The following GTF2F1 variants were observed in gnomAD, a reference collection of about 807,000 sequenced individuals.
GTF2F1 encodes general transcription factor IIF subunit 1, also known as general transcription factor IIF 74 kDa subunit.
Under a neutral mutation model 63.5 loss-of-function variants are expected in GTF2F1, and 39 were observed. The ratio of observed to expected loss-of-function variants is 0.61; its 90% confidence interval spans 0.48 to 0.80. The LOEUF (loss-of-function observed/expected upper bound fraction) is 0.80. Ranked by LOEUF, GTF2F1 falls within the 30% of genes least tolerant of loss-of-function variation. GTF2F1 has a pLI of 0.00. For missense variants in GTF2F1, 657 were observed against 718.3 expected, an observed-to-expected ratio of 0.91 and a Z score of 0.97; for synonymous variants, 287 against 285.3, an observed-to-expected ratio of 1.01 and a Z score of -0.06.
At position 6,389,526 on chromosome 19, in the gene GTF2F1, T is replaced by C; in HGVS notation, c.244A>G (p.Lys82Glu). 6.2e-7 allele frequency: 1 copy of C among 1,614,202 alleles called. No homozygotes were observed. Among genetic ancestry groups the C allele is most frequent in the Non-Finnish European group, 8.5e-7 (1 of 1,180,024 alleles). The change falls in exon 4 of 13, where the codon AAG becomes GAG. Residue 82 changes from lysine to glutamate, a missense_variant. By Grantham distance (56) the Lys-to-Glu change is moderately conservative (BLOSUM62 1). This residue lies in a region of GTF2F1 where 602 missense variants were observed against 625.6 expected (regional missense o/e 0.96). Coordinates refer to ENST00000394456, the MANE Select transcript of GTF2F1 (RefSeq NM_002096.3). ...TCCTTGAGGACGATGCCGTACTTCT[T>C]CCTCCGAGCCTCCTCCCGAAGCTTG... Reference protein sequence around the residue: ...NRKLREEARRKKYGIVLKEFR... With the variant: ...NRKLREEARREKYGIVLKEFR...
At position 6,392,818 on chromosome 19, in the gene GTF2F1, G is replaced by C. The variant is rs146656829; in HGVS notation, c.59+39C>G. 2.8e-4 allele frequency: 448 copies of C among 1,585,600 alleles called. 1 individual carries two copies. The highest frequency in any genetic ancestry group is 3.6e-4 in the Non-Finnish European group (416 of 1,154,360). Reference sequence around the variant, plus strand: ...AAGATCGTGAAGGTTTTCATTTTTGGGGGGTGGAGAGGAGTGGGAGATGGG... The same window carrying C: ...AAGATCGTGAAGGTTTTCATTTTTGCGGGGTGGAGAGGAGTGGGAGATGGG... On this transcript the variant is annotated intron_variant, in intron 2 of 12. Coordinates refer to ENST00000394456, the MANE Select transcript of GTF2F1 (RefSeq NM_002096.3).
In GTF2F1 at chr19:6,392,848, G is replaced by A. The variant is rs2092006357; in HGVS notation, c.59+9C>T. The A allele has an allele frequency of 6.2e-7, 1 of 1,613,128 alleles. No homozygotes were observed. The highest frequency in any genetic ancestry group is 1.3e-5 in the African/African-American group (1 of 74,986). On this transcript the variant is annotated intron_variant, in intron 2 of 12. Transcript: ENST00000394456. ...TGGAGAGGAGTGGGAGATGGGGCTGGGGACTTACTTAGGAACTCGAACGAC... is the reference window on the plus strand; with the variant it reads ...TGGAGAGGAGTGGGAGATGGGGCTGAGGACTTACTTAGGAACTCGAACGAC...
intron 3 of GTF2F1, among the ~76,000 whole-genome samples, chr19:6,391,439 G>GTTTTTTTTTTTTTTTTTTTT (rs11340944): frequency 1.1e-5 from 1 of 87,452 alleles, no homozygotes; most frequent in African/African-American, 3.3e-5. Flanking sequence ...TGCCATTTCC[G>GTTTTTTTTTTTTTTTTTTTT]TTTTTTTTTT....
chr19:6,381,339 G>T lies in GTF2F1; in HGVS notation c.1018+20C>A. ...AGGGCCCGACCCAAGCCTCCAATAT[G>T]GGGGCCACATGCGCCGCACCTTTCC... is the stretch of plus-strand genomic sequence containing the variant. On this transcript the variant is annotated intron_variant, in intron 9 of 12. Transcript: ENST00000394456. This position sits in a 1 kb window ranked among gnomAD's most constrained non-coding sequence, Gnocchi z 4.1. 1 of 1,565,602 alleles carries T rather than the reference G, an allele frequency of 6.4e-7. No individual in the cohort carries two copies. Among genetic ancestry groups the T allele is most frequent in the Non-Finnish European group, 8.7e-7 (1 of 1,154,890 alleles).
Position 6,380,011 on chromosome 19 carries a change from C to A in GTF2F1, c.*270G>T, listed in dbSNP as rs118174475. 7.6e-6 allele frequency: 4 copies of A among 524,088 alleles called. No homozygotes were observed. Among genetic ancestry groups the A allele is most frequent in the Non-Finnish European group, 1.4e-5 (4 of 289,464 alleles). The allele number at this position is 524,088 out of a possible 1,614,324, so 32.5% of individuals were successfully genotyped here. A position where few individuals can be genotyped will look rare whatever the true frequency, so the allele number is the denominator to read the frequency against. On this transcript the variant is annotated 3_prime_UTR_variant, in exon 13 of 13. Transcript: ENST00000394456. This position sits in a 1 kb window ranked among gnomAD's most constrained non-coding sequence, Gnocchi z 5.3. The stretch of plus-strand genomic sequence containing the variant: ...GGCCCTTGGTCAGTGTGAGGGAGGC[C>A]GAGCCAGGAGGAGGAGGACAATAAG...
intron 4 of GTF2F1, 85 bp downstream of exon 4, chr19:6,389,359 G>A: frequency 8.3e-7 from 1 of 1,199,178 alleles, no homozygotes; most frequent in South Asian, 1.6e-5. Context: ...GAGGTTCAGA[G>A]AGGGTACCCC....
chr19:6,387,434 C>G lies in GTF2F1; in HGVS notation c.452G>C (p.Arg151Pro). ...HNWYNFTPLA[R>P]HRTLTAEEAE... is the part of the protein sequence containing the mutation. ...CTCCTCGGCAGTGAGCGTGCGATGC[C>G]GGGCCAGCGGTGTGAAATTGTACCA... The change falls in exon 5 of 13, where the codon CGG becomes CCG. Residue 151 changes from arginine (R) to proline (P), a missense_variant. Arg to Pro is a moderately radical substitution (Grantham distance 103). Transcript: ENST00000394456. 1 of 1,614,230 alleles carries G rather than the reference C, an allele frequency of 6.2e-7. No individual in the cohort carries two copies. Among genetic ancestry groups the G allele is most frequent in the East Asian group, 2.2e-5 (1 of 44,886 alleles).
rs1431806724 is a variant in GTF2F1 at position 6,380,389 on chromosome 19, T to C, written c.1446A>G (p.Thr482=). Reference sequence around the variant, plus strand: ...TCACTGTCTGCTCGCTGCTCAGCCCTGTCTTCTTGGTCTGGAACTTTTTCA... The same window carrying C: ...TCACTGTCTGCTCGCTGCTCAGCCCCGTCTTCTTGGTCTGGAACTTTTTCA... The part of the protein sequence containing the change: ...DLLKKFQTKK[T]GLSSEQTVNV... Residue 482 remains threonine, a synonymous_variant, in exon 13 of 13, where the codon ACA becomes ACG. Transcript: ENST00000394456. This position sits in a 1 kb window ranked among gnomAD's most constrained non-coding sequence, Gnocchi z 5.3. The C allele has an allele frequency of 3.7e-6, 6 of 1,614,004 alleles. No homozygotes were observed. The highest frequency in any genetic ancestry group is 3.3e-5 in the Admixed American group (2 of 59,984).
At chr19:6,391,439 G>GCTT (rs2091996735) in intron 3 of GTF2F1, among the ~76,000 whole-genome samples, 1 of 87,418 alleles carries the variant, frequency 1.1e-5, no homozygotes, top group Non-Finnish European at 2.6e-5. Context: ...TGCCATTTCC[G>GCTT]TTTTTTTTTT....
chr19:6,389,266 C>CATAAATAAATAAATAAATAAATAA (rs61290779), intron 4 of GTF2F1, among the ~76,000 whole-genome samples, 178 bp downstream of exon 4: 2 of 150,998 alleles, frequency 1.3e-5, no homozygotes, highest in African/African-American at 4.9e-5. Flanking sequence ...AATAAGATAA[C>CATAAATAAATAAATAAATAAATAA]ATAAATAAAT....
At chr19:6,389,914 T>G (rs1194395151) in intron 3 of GTF2F1, among the ~76,000 whole-genome samples, 1 of 152,232 alleles carries the variant, frequency 6.6e-6, no homozygotes, top group Non-Finnish European at 1.5e-5. Context: ...AAGCAGGCCA[T>G]CGGAGGCAAA....
Position 6,380,269 on chromosome 19 carries a change from T to C in GTF2F1, c.*12A>G. 2 of 1,610,372 alleles carry C rather than the reference T, an allele frequency of 1.2e-6. No individual in the cohort carries two copies. The highest frequency in any genetic ancestry group is 1.1e-5 in the South Asian group (1 of 91,004). The stretch of plus-strand genomic sequence containing the variant: ...AAGTTCTGGGGGGCAGAGCCATGTA[T>C]TGGACCAAGCCTCACTCCTTGAGGG... On this transcript the variant is annotated 3_prime_UTR_variant, in exon 13 of 13. Transcript: ENST00000394456. This position sits in a 1 kb window ranked among gnomAD's most constrained non-coding sequence, Gnocchi z 5.3.
chr19:6,391,227 C>T (rs1276359657), intron 3 of GTF2F1, among the ~76,000 whole-genome samples: 1 of 152,168 alleles, frequency 6.6e-6, no homozygotes, highest in Non-Finnish European at 1.5e-5. Flanking sequence ...GCTTTAATGG[C>T]TCCCAAAGTC....
In GTF2F1 at chr19:6,380,939, G is replaced by A. The variant is rs1385272539; in HGVS notation, c.1196C>T (p.Ser399Phe). The change falls in exon 11 of 13, where the codon TCC becomes TTC. Residue 399 changes from serine to phenylalanine, a missense_variant. Ser to Phe is a radical substitution (Grantham distance 155). Around this residue, in one of 2 missense-constraint regions of GTF2F1, gnomAD observed 602 missense variants for 625.6 expected, o/e 0.96. Coordinates refer to ENST00000394456, the MANE Select transcript of GTF2F1 (RefSeq NM_002096.3). This position sits in a 1 kb window ranked among gnomAD's most constrained non-coding sequence, Gnocchi z 5.3. ...TPSAEGGSTS[S>F]TLRAAASKLE... ...TTTGCTGGCAGCCGCCCGCAGGGTG[G>A]AGGAGGTGCTGCCACCCTCTGCGCT... 6.3e-7 allele frequency: 1 copy of A among 1,585,374 alleles called. No homozygotes were observed. Among genetic ancestry groups the A allele is most frequent in the African/African-American group, 1.3e-5 (1 of 74,500 alleles).
intron 5 of GTF2F1, among the ~76,000 whole-genome samples, chr19:6,384,101 A>T (rs1055371500): frequency 1.3e-5 from 2 of 149,914 alleles, no homozygotes; most frequent in Non-Finnish European, 3.0e-5. Context: ...GTGCCCAGCC[A>T]GATCTTTTGT....
At position 6,379,636 on chromosome 19, in the gene GTF2F1, G is replaced by A. The variant is rs1130194; in HGVS notation, c.*645C>T. 0.057 allele frequency: 8,705 copies of A among 152,706 alleles called. 343 individuals carry two copies. Among genetic ancestry groups the A allele is most frequent in the Non-Finnish European group, 0.088 (6,035 of 68,788 alleles). 9.5% of individuals were successfully genotyped at this position (152,706 alleles called of 1,614,324 possible). A position where few individuals can be genotyped will look rare whatever the true frequency, so the allele number is the denominator to read the frequency against. ...GTCACCCAGGCTGGAGTGCAGTGGC[G>A]TGGTGTCAGCTCACAGCAACCTCCA... On this transcript the variant is annotated 3_prime_UTR_variant, in exon 13 of 13. Transcript: ENST00000394456.
In GTF2F1 at chr19:6,393,159, G is replaced by C. The variant is rs940166816; in HGVS notation, c.-164C>G. 3 of 836,576 alleles carry C rather than the reference G, an allele frequency of 3.6e-6. No individual in the cohort carries two copies. In the African/African-American group the frequency reaches 5.2e-5, roughly 15 times the overall value. The allele number at this position is 836,576 out of a possible 1,614,324, so 51.8% of individuals were successfully genotyped here. ...CTCTGGCGCTGGGAAAAGGTAACCG[G>C]AAGAGGCGCTCAAGCTACTCGGTCT... On this transcript the variant is annotated 5_prime_UTR_variant, in exon 1 of 13. Transcript: ENST00000394456.
chr19:6,384,190 G>C (rs2091965798), intron 5 of GTF2F1, among the ~76,000 whole-genome samples: 1 of 151,626 alleles, frequency 6.6e-6, no homozygotes, highest in African/African-American at 2.4e-5. Flanking sequence ...TTGTCTCATT[G>C]CTCAGGGAAG....
At position 6,392,427 on chromosome 19, in the gene GTF2F1, C is replaced by A. The variant is rs191414958; in HGVS notation, c.59+430G>T. On this transcript the variant is annotated intron_variant, in intron 2 of 12. Transcript: ENST00000394456. ...GAGTATTTCCTGGAGGAGGAAGATA[C>A]TGGAGTTGAGTTTTGCAGAATCATC... The A allele has an allele frequency of 3.1e-4, 153 of 489,640 alleles. 1 individual carries two copies. The highest frequency in any genetic ancestry group is 4.6e-4 in the Non-Finnish European group (115 of 250,340). 30.3% of individuals were successfully genotyped at this position (489,640 alleles called of 1,614,324 possible). A position where few individuals can be genotyped will look rare whatever the true frequency, so the allele number is the denominator to read the frequency against.
Sources: allele counts gnomAD v4.1 joint callset (sites outside exome capture counted in the v4.1 genomes callset), GRCh38; gene constraint gnomAD v4.1.1; regional missense constraint gnomAD v4.1.1; non-coding constraint Gnocchi (gnomAD v3.1); transcripts MANE v1.5; gene names NCBI Gene and HGNC (gene_info 2026-07-23, HGNC 2026-07-21).